Variants in CFAP43 observed in about 807,000 individuals in gnomAD.
The protein encoded by CFAP43 is cilia and flagella associated protein 43.
In CFAP43, 155 loss-of-function variants were observed where a neutral mutation model predicts 218.9. The observed-to-expected ratio is 0.71, with a 90% CI of 0.62 to 0.81. The LOEUF (loss-of-function observed/expected upper bound fraction) is 0.81, where lower values mean the gene tolerates loss of function less well. Ranked by LOEUF, CFAP43 falls within the 30% of genes least tolerant of loss-of-function variation. The pLI is 0.00. For missense variants in CFAP43, 1,778 were observed against 1,954.3 expected (o/e 0.91, Z 1.70); for synonymous variants, 645 against 681.3 (o/e 0.95, Z 0.83).
chr10:104,183,104 C>T (rs2089908458), intron 16 of CFAP43, among the ~76,000 whole-genome samples: 1 of 152,194 alleles, frequency 6.6e-6, no homozygotes, highest in Admixed American at 6.5e-5. Context: ...GCCCCCTCAT[C>T]ACCCCACCCT....
chr10:104,197,983 T>C lies in CFAP43; in HGVS notation c.1151A>G (p.Asp384Gly). Residue 384 changes from aspartate to glycine, a missense_variant, in exon 9 of 38, where the codon GAT (aspartate) becomes GGT (glycine). Asp to Gly is a moderately conservative substitution (Grantham distance 94). Transcript: ENST00000357060. The part of the protein sequence containing the change: ...GKEPTLNKVL[D>G]ACDGKFQAID... ...TGCCTGAAATTTCCCATCACAAGCA[T>C]CTAGGACTTTATTTAAGGTTGGCTC... 6.2e-7 allele frequency: 1 copy of C among 1,613,938 alleles called. No individual in the cohort carries two copies.
chr10:104,167,983 G>A (rs951679164), intron 21 of CFAP43, among the ~76,000 whole-genome samples: 1 of 152,126 alleles, frequency 6.6e-6, no homozygotes, highest in Non-Finnish European at 1.5e-5. Context: ...TCAACTAGGA[G>A]CAATTTTTCT....
intron 14 of CFAP43, 143 bp downstream of exon 14, chr10:104,187,177 T>C (rs528288354): frequency 5.9e-4 from 340 of 580,422 alleles, no homozygotes; most frequent in Non-Finnish European, 5.9e-4. Flanking sequence ...TATATCTAGC[T>C]CAAGGGAATT....
intron 30 of CFAP43, 84 bp from the exon 31 acceptor site, chr10:104,145,648 G>A (rs2087929111): frequency 3.5e-6 from 3 of 852,334 alleles, no homozygotes; most frequent in Non-Finnish European, 5.4e-6. Flanking sequence ...AATACAGGTG[G>A]TAGCACTTTG....
intron 27 of CFAP43, 81 bp downstream of exon 27, chr10:104,160,956 G>A (rs897360010): frequency 4.9e-5 from 67 of 1,361,598 alleles, no homozygotes; most frequent in African/African-American, 2.5e-4. Context: ...TAAAGATATC[G>A]ACAAAGTAGA....
At chr10:104,153,771 T>C (rs1489525510) in intron 27 of CFAP43, among the ~76,000 whole-genome samples, 1 of 151,940 alleles carries the variant, frequency 6.6e-6, no homozygotes, top group Non-Finnish European at 1.5e-5. Flanking sequence ...TTTCTCTCTC[T>C]CTCTCTCTCT....
chr10:104,144,085 G>T (rs2087834318), intron 31 of CFAP43, among the ~76,000 whole-genome samples: 1 of 152,190 alleles, frequency 6.6e-6, no homozygotes, highest in Non-Finnish European at 1.5e-5. Context: ...AGGGTACAAA[G>T]ATTTGGGCGA....
chr10:104,194,840 C>G lies in CFAP43; in HGVS notation c.1294-826G>C, dbSNP rs983813835. ...AATAGAAAACACAGGCCAAGGAAGT[C>G]CAGCAGCTTGCCCAAGGATCCCATA... is the stretch of plus-strand genomic sequence containing the variant. On this transcript the variant is annotated intron_variant, in intron 10 of 37. Coordinates refer to ENST00000357060, the MANE Select transcript of CFAP43 (RefSeq NM_025145.7). 5.3e-5 allele frequency among the ~76,000 whole-genome samples: 8 copies of G among 152,280 alleles called. No homozygotes were observed. The South Asian group carries it at 6.2e-4, about 12-fold the overall frequency.
At chr10:104,200,798 T>C (rs1202621365) in intron 8 of CFAP43, among the ~76,000 whole-genome samples, 17 of 151,812 alleles carry the variant, frequency 1.1e-4, no homozygotes. Flanking sequence ...GAAGCATGTC[T>C]GGCAGATTCA....
chr10:104,208,636 A>G (rs924499241), intron 5 of CFAP43, among the ~76,000 whole-genome samples: 1 of 152,220 alleles, frequency 6.6e-6, no homozygotes, highest in Non-Finnish European at 1.5e-5. Flanking sequence ...CTCCTTTTTC[A>G]GTCCTCTAGA....
intron 13 of CFAP43, among the ~76,000 whole-genome samples, chr10:104,187,824 T>C (rs1283612196): frequency 6.6e-6 from 1 of 152,236 alleles, no homozygotes; most frequent in Non-Finnish European, 1.5e-5. Context: ...TTCTGCTCTA[T>C]AATTATATAT....
At chr10:104,141,082 T>G (rs1476838907) in intron 33 of CFAP43, 81 bp from the exon 34 acceptor site, 1 of 1,399,828 alleles carries the variant, frequency 7.1e-7, no homozygotes, top group Non-Finnish European at 9.7e-7. Context: ...AAAAATCGAA[T>G]CAGCTTAAGG....
At chr10:104,142,679 A>G (rs1010674646) in intron 32 of CFAP43, among the ~76,000 whole-genome samples, 1 of 152,162 alleles carries the variant, frequency 6.6e-6, no homozygotes, top group African/African-American at 2.4e-5. Context: ...GAAATTATAG[A>G]ATCCTAGGTA....
intron 2 of CFAP43, among the ~76,000 whole-genome samples, chr10:104,228,323 T>C (rs1331100979): frequency 6.6e-6 from 1 of 152,222 alleles, no homozygotes; most frequent in Non-Finnish European, 1.5e-5. Context: ...CTCCTTCTTT[T>C]TGGTGGTAGC....
At chr10:104,190,553 G>T (rs543415247) in intron 12 of CFAP43, among the ~76,000 whole-genome samples, 5 of 152,086 alleles carry the variant, frequency 3.3e-5, no homozygotes, top group African/African-American at 4.8e-5. Context: ...TACATATCCC[G>T]ATTTCCAAAC....
At chr10:104,181,455 T>C (rs1408023204) in intron 17 of CFAP43, among the ~76,000 whole-genome samples, 1 of 152,192 alleles carries the variant, frequency 6.6e-6, no homozygotes, top group Non-Finnish European at 1.5e-5. Context: ...TAGCATCAAA[T>C]AGTCATTTCA....
At chr10:104,214,232 T>G (rs1336170399) in intron 4 of CFAP43, 27 bp downstream of exon 4, 1 of 1,537,684 alleles carries the variant, frequency 6.5e-7, no homozygotes, top group Admixed American at 2.2e-5. Context: ...ACCACCATGT[T>G]GCTACTGTTG....
At chr10:104,221,294 C>A (rs1231030173) in intron 3 of CFAP43, among the ~76,000 whole-genome samples, 1 of 152,158 alleles carries the variant, frequency 6.6e-6, no homozygotes, top group Admixed American at 6.5e-5. Context: ...TTCTTTTAAG[C>A]ACTCAGGAAT....
intron 3 of CFAP43, among the ~76,000 whole-genome samples, chr10:104,222,918 C>T (rs1369746238): frequency 6.6e-6 from 1 of 152,218 alleles, no homozygotes; most frequent in African/African-American, 2.4e-5. Flanking sequence ...GTATAAACAC[C>T]TCTAGGATAG....
Sources: gnomAD v4.1 joint callset for allele counts (sites outside exome capture counted in the v4.1 genomes callset) on GRCh38, gnomAD v4.1.1 for gene constraint, MANE v1.5 for transcripts, NCBI Gene and HGNC (gene_info 2026-07-23, HGNC 2026-07-21) for gene names.